Variants in FAM118B observed in about 807,000 individuals in gnomAD.
FAM118B encodes protein FAM118B.
A neutral mutation model predicts 38.5 loss-of-function variants in FAM118B; 24 were observed. The ratio of observed to expected loss-of-function variants is 0.62; its 90% CI spans 0.45 to 0.88. The LOEUF is 0.88. Ranked by LOEUF, FAM118B falls within the 40% of genes least tolerant of loss-of-function variation. The probability of loss-of-function intolerance (pLI) is 0.00; values close to 1 mark genes in which losing one functional copy is unlikely to be tolerated. For synonymous variants in FAM118B, 138 were observed against 156.3 expected, an observed-to-expected ratio of 0.88 and a Z score of 0.87; for missense variants, 334 against 420.0, an observed-to-expected ratio of 0.80 and a Z score of 1.79.
chr11:126,261,555 A>G, intron 8 of FAM118B, 71 bp downstream of exon 8: 2 of 1,316,944 alleles, frequency 1.5e-6, no homozygotes, highest in Non-Finnish European at 2.2e-6. Context: ...GGTTAAGAAT[A>G]TAGAGAATGT....
At chr11:126,260,484 ACT>A (rs1287840123) in intron 7 of FAM118B, 3 of 143,408 alleles carry the variant, frequency 2.1e-5, no homozygotes, top group Non-Finnish European at 3.2e-5. Flanking sequence ...ATTTTAATTG[ACT>A]TTTATATTCC....
At chr11:126,232,246 C>T (rs933616379) in intron 2 of FAM118B, among the ~76,000 whole-genome samples, 1 of 152,082 alleles carries the variant, frequency 6.6e-6, no homozygotes. Flanking sequence ...TTCCATTGAG[C>T]ATTTCCTGTT....
chr11:126,214,516 T>TTTTTTTTG lies in FAM118B; in HGVS notation c.-77+2693_-77+2694insGTTTTTTT, dbSNP rs1555048623. ...TTTTTTTTTTTTGTTTTTTTTTTGT[T>TTTTTTTTG]TTTTTTTTTTTACCTCTATATTGCC... On this transcript the variant is annotated intron_variant, in intron 1 of 8. Coordinates refer to ENST00000533050, the MANE Select transcript of FAM118B (RefSeq NM_024556.4). The TTTTTTTTG allele has an allele frequency of 2.7e-4, 25 of 92,526 alleles. 2 individuals carry two copies. Among genetic ancestry groups the TTTTTTTTG allele is most frequent in the Middle Eastern group, 5.3e-3 (1 of 188 alleles). 5.7% of individuals were successfully genotyped at this position (92,526 alleles called of 1,614,324 possible).
chr11:126,235,916 A>AT (rs1429261588), intron 3 of FAM118B, among the ~76,000 whole-genome samples: 1 of 137,194 alleles, frequency 7.3e-6, no homozygotes, highest in Non-Finnish European at 1.5e-5. Flanking sequence ...TTTCTTGCCC[A>AT]TTTTTTTTGC....
Position 126,256,061 on chromosome 11 carries a change from G to A in FAM118B, c.697-506G>A, listed in dbSNP as rs1326061503. Among the ~76,000 whole-genome samples, 5 of 149,344 alleles carry A rather than the reference G, an allele frequency of 3.3e-5. No individual in the cohort carries two copies. The highest frequency in any genetic ancestry group is 9.9e-5 in the African/African-American group (4 of 40,480). On this transcript the variant is annotated intron_variant, in intron 6 of 8. Transcript: ENST00000533050. This position sits in a 1 kb window ranked among gnomAD's most constrained non-coding sequence, Gnocchi z 6.6. ...CAAGGTGGGTGGATCACTCGAGGTCGGGAGTACCAGACCAGCCTGGCCAAC... is the reference window on the plus strand; with the variant it reads ...CAAGGTGGGTGGATCACTCGAGGTCAGGAGTACCAGACCAGCCTGGCCAAC...
At chr11:126,254,800 T>A (rs1278614008) in intron 6 of FAM118B, among the ~76,000 whole-genome samples, 1 of 152,138 alleles carries the variant, frequency 6.6e-6, no homozygotes, top group Non-Finnish European at 1.5e-5. Flanking sequence ...GCACTCCAGC[T>A]TGGGTGACAG....
rs533350695 is a variant in FAM118B at position 126,238,972 on chromosome 11, C to CTT, written c.87-1804_87-1803dup. Reference sequence around the variant, plus strand: ...AAATGTTTTATTTTTAAGTGGAAGTCTTTTTTTTTTTTTTTTTCGAGACAA... The same window carrying CTT: ...AAATGTTTTATTTTTAAGTGGAAGTCTTTTTTTTTTTTTTTTTTTCGAGACAA... On this transcript the variant is annotated intron_variant, in intron 3 of 8. Transcript: ENST00000533050. Among the ~76,000 whole-genome samples, 1,269 of 129,832 alleles carry CTT rather than the reference C, an allele frequency of 9.8e-3. 18 individuals carry two copies. The highest frequency in any genetic ancestry group is 0.014 in the Non-Finnish European group (840 of 61,082). 85.2% of individuals were successfully genotyped at this position (129,832 alleles called of 152,430 possible). A position where few individuals can be genotyped will look rare whatever the true frequency, so the allele number is the denominator to read the frequency against.
chr11:126,254,386 C>T lies in FAM118B; in HGVS notation c.649C>T (p.Leu217Phe), dbSNP rs1950546502. The T allele has an allele frequency of 2.5e-6, 4 of 1,614,238 alleles. No individual in the cohort carries two copies. The highest frequency in any genetic ancestry group is 1.3e-5 in the African/African-American group (1 of 75,058). Residue 217 changes from leucine to phenylalanine, a missense_variant, in exon 6 of 9, where the codon CTT becomes TTT. Around this residue, in one of 3 missense-constraint regions of FAM118B, gnomAD observed 240 missense variants for 295.9 expected, o/e 0.81. Coordinates refer to ENST00000533050, the MANE Select transcript of FAM118B (RefSeq NM_024556.4). ...GVYTNPSGIV[L>F]HPAGYQNVLR... The stretch of plus-strand genomic sequence containing the variant: ...CTACACCAACCCTAGTGGCATTGTC[C>T]TTCATCCGGCTGGATATCAGAACGT...
chr11:126,256,344 T>C lies in FAM118B; in HGVS notation c.697-223T>C, dbSNP rs1369881193. ...TGACACCAGCTCTATGAAACGCTGA[T>C]TAGAGAGCCTACAGAAGAATGGCAG... is the stretch of plus-strand genomic sequence containing the variant. On this transcript the variant is annotated intron_variant, in intron 6 of 8. Transcript: ENST00000533050. This position sits in a 1 kb window ranked among gnomAD's most constrained non-coding sequence, Gnocchi z 6.6. Among the ~76,000 whole-genome samples, 1 of 152,190 alleles carries C rather than the reference T, an allele frequency of 6.6e-6. No homozygotes were observed. The highest frequency in any genetic ancestry group is 1.5e-5 in the Non-Finnish European group (1 of 68,024).
chr11:126,249,984 C>T (rs1036053608), intron 4 of FAM118B, among the ~76,000 whole-genome samples: 2 of 151,966 alleles, frequency 1.3e-5, no homozygotes, highest in South Asian at 2.1e-4. Flanking sequence ...AGGAAGCTTA[C>T]GTATAGTAGC....
At chr11:126,233,288 C>T (rs1779504407) in intron 2 of FAM118B, among the ~76,000 whole-genome samples, 1 of 152,140 alleles carries the variant, frequency 6.6e-6, no homozygotes, top group African/African-American at 2.4e-5. Flanking sequence ...CCAGCCTGAT[C>T]AACATGAAGA....
intron 4 of FAM118B, among the ~76,000 whole-genome samples, chr11:126,242,111 A>C (rs116022047): frequency 3.9e-5 from 6 of 152,250 alleles, no homozygotes; most frequent in African/African-American, 1.4e-4. Context: ...AAATGGATCA[A>C]AGACCTAAAT....
intron 3 of FAM118B, among the ~76,000 whole-genome samples, chr11:126,236,162 A>G (rs79633198): frequency 0.11 from 16,414 of 151,950 alleles, 1,156 homozygotes; most frequent in Non-Finnish European, 0.15. Flanking sequence ...TTTCCTTTAC[A>G]TCTCTCCTGT....
At chr11:126,261,378 G>A (rs1950694602) in intron 7 of FAM118B, 47 bp from the exon 8 acceptor site, 2 of 1,540,690 alleles carry the variant, frequency 1.3e-6, no homozygotes, top group African/African-American at 1.4e-5. Flanking sequence ...GCTATTAATA[G>A]TTTTAGCTTT....
intron 3 of FAM118B, among the ~76,000 whole-genome samples, chr11:126,239,139 C>T (rs1281205031): frequency 3.3e-5 from 5 of 151,734 alleles, no homozygotes; most frequent in East Asian, 1.9e-4. Context: ...TTTTCTTTTT[C>T]GTTCTTTCTT....
intron 7 of FAM118B, among the ~76,000 whole-genome samples, chr11:126,258,365 C>T (rs1287790270): frequency 1.3e-5 from 2 of 152,142 alleles, no homozygotes; most frequent in Admixed American, 1.3e-4. Flanking sequence ...ACAGTCTGAG[C>T]AATAAAGCAA....
intron 1 of FAM118B, chr11:126,214,518 T>G (rs1235379074): frequency 2.3e-5 from 3 of 129,054 alleles, no homozygotes; most frequent in African/African-American, 8.4e-5. Context: ...TTTTTTGTTT[T>G]TTTTTTTTTA....
intron 2 of FAM118B, among the ~76,000 whole-genome samples, chr11:126,229,511 C>T (rs1399833303): frequency 1.3e-5 from 2 of 151,976 alleles, no homozygotes; most frequent in African/African-American, 4.8e-5. Context: ...GGCGCCATCT[C>T]GGCTACCTGC....
At position 126,256,022 on chromosome 11, in the gene FAM118B, G is replaced by A. The variant is rs1050313547; in HGVS notation, c.697-545G>A. On this transcript the variant is annotated intron_variant, in intron 6 of 8. Transcript: ENST00000533050. The surrounding 1 kb of genome is among the most constrained non-coding windows in gnomAD (Gnocchi z 6.6). ...GCAGTGGCTCACGCCTGTAATCCCA[G>A]CACTTTGGGAGGCCAAGGTGGGTGG... is the stretch of plus-strand genomic sequence containing the variant. 1.3e-5 allele frequency among the ~76,000 whole-genome samples: 2 copies of A among 151,360 alleles called. No individual in the cohort carries two copies. The highest frequency in any genetic ancestry group is 4.9e-5 in the African/African-American group (2 of 41,152).
Sources: allele counts gnomAD v4.1 joint callset (sites outside exome capture counted in the v4.1 genomes callset), GRCh38; gene constraint gnomAD v4.1.1; regional missense constraint gnomAD v4.1.1; non-coding constraint Gnocchi (gnomAD v3.1); transcripts MANE v1.5; gene names NCBI Gene and HGNC (gene_info 2026-07-23, HGNC 2026-07-21).